DOP1A: variants seen among roughly 807,000 people sequenced by gnomAD.
DOP1A encodes protein DOP1A.
Under a neutral mutation model 267.6 loss-of-function variants are expected in DOP1A, and 90 were observed. The observed-to-expected ratio is 0.34, with a 90% CI of 0.28 to 0.40. DOP1A has a LOEUF of 0.40. Among genes scored for constraint, DOP1A ranks in the 10% least tolerant of loss-of-function variants. DOP1A has a pLI of 1.00. For missense variants in DOP1A, 2,437 were observed against 2,900.4 expected (o/e 0.84, Z 3.67); for synonymous variants, 932 against 999.1 (o/e 0.93, Z 1.27).
rs781007262 is a variant in DOP1A, at chr6:83,151,917, C to T, written c.5939C>T (p.Ala1980Val). 6 of 1,613,748 alleles carry T rather than the reference C, an allele frequency of 3.7e-6. No homozygotes were observed. Among genetic ancestry groups the T allele is most frequent in the Non-Finnish European group, 3.4e-6 (4 of 1,179,804 alleles). Reference protein sequence around the residue: ...VTHKIVDAIGAIAGSSLEQTT... With the variant: ...VTHKIVDAIGVIAGSSLEQTT... ...CACAAAATAGTGGATGCAATTGGTG[C>T]AATTGCTGGTTCTTCTCTGGAACAG... The change falls in exon 29 of 39, where the codon GCA becomes GTA. Residue 1980 changes from alanine (A) to valine (V), a missense_variant. By Grantham distance (64) the Ala-to-Val change is moderately conservative. Transcript: ENST00000349129.
chr6:83,082,605 T>C (rs1477561746), intron 1 of DOP1A, among the ~76,000 whole-genome samples: 1 of 152,198 alleles, frequency 6.6e-6, no homozygotes, highest in Non-Finnish European at 1.5e-5. Context: ...ATAGTGGCTA[T>C]GGTTAATGAT....
chr6:83,098,948 T>G (rs1365511841), intron 3 of DOP1A, among the ~76,000 whole-genome samples: 1 of 152,172 alleles, frequency 6.6e-6, no homozygotes, highest in Non-Finnish European at 1.5e-5. Context: ...GGACCCCTTC[T>G]GAAATAGGGG....
At chr6:83,147,128 T>C in intron 25 of DOP1A, 108 bp from the exon 26 acceptor site, 1 of 457,594 alleles carries the variant, frequency 2.2e-6, no homozygotes. Flanking sequence ...TTTTGTTCTT[T>C]CAATTTTTTT....
intron 15 of DOP1A, among the ~76,000 whole-genome samples, chr6:83,126,004 A>C (rs1176265107): frequency 6.6e-6 from 1 of 151,974 alleles, no homozygotes; most frequent in Non-Finnish European, 1.5e-5. Context: ...AGTTAATTTT[A>C]ATTCTAGTTT....
At chr6:83,156,870 A>AGTAT (rs3830923) in intron 34 of DOP1A, among the ~76,000 whole-genome samples, 4,350 of 152,272 alleles carry the variant, frequency 0.029, 150 homozygotes, top group East Asian at 0.084. Context: ...TGCTACTCAA[A>AGTAT]GTATGGTCCA....
chr6:83,134,224 T>C lies in DOP1A; in HGVS notation c.2807T>C (p.Leu936Pro). The C allele has an allele frequency of 1.9e-6, 3 of 1,613,088 alleles. No homozygotes were observed. The highest frequency in any genetic ancestry group is 2.5e-6 in the Non-Finnish European group (3 of 1,179,460). ...GAAGCACATGCCAAGTTTGCAGTTC[T>C]TTGGCATCTAACGAGAGATCTCCAT... is the stretch of plus-strand genomic sequence containing the variant. Reference protein sequence around the residue: ...RMEAHAKFAVLWHLTRDLHIN... With the variant: ...RMEAHAKFAVPWHLTRDLHIN... The change falls in exon 19 of 39, where the codon CTT becomes CCT. Residue 936 changes from leucine (L) to proline (P), a missense_variant. Transcript: ENST00000349129.
intron 1 of DOP1A, among the ~76,000 whole-genome samples, chr6:83,076,201 A>G (rs184282928): frequency 6.6e-6 from 1 of 152,318 alleles, no homozygotes; most frequent in African/African-American, 2.4e-5. Flanking sequence ...TTTTCCAAAG[A>G]TGATATATAA....
At chr6:83,140,445 A>G (rs777075340) in intron 23 of DOP1A, 42 bp downstream of exon 23, 1 of 1,436,990 alleles carries the variant, frequency 7.0e-7, no homozygotes, top group Admixed American at 2.2e-5. Flanking sequence ...CAAGAGTCTG[A>G]GGACCTTCCC....
At chr6:83,092,269 CTT>C (rs1210376244) in intron 1 of DOP1A, among the ~76,000 whole-genome samples, 1 of 151,888 alleles carries the variant, frequency 6.6e-6, no homozygotes, top group Non-Finnish European at 1.5e-5. Context: ...TGTTTAAACA[CTT>C]TGATCATGAG....
intron 11 of DOP1A, among the ~76,000 whole-genome samples, chr6:83,122,420 A>T (rs546866239): frequency 1.3e-5 from 2 of 152,000 alleles, no homozygotes; most frequent in South Asian, 4.1e-4. Context: ...TTTGATTGAA[A>T]CTGGTCAAGG....
At chr6:83,099,034 C>T (rs1772033802) in intron 3 of DOP1A, among the ~76,000 whole-genome samples, 1 of 151,684 alleles carries the variant, frequency 6.6e-6, no homozygotes, top group South Asian at 2.1e-4. Flanking sequence ...AAGATTCCTG[C>T]CTTAGGGAGA....
At chr6:83,150,993 ACT>A (rs1382704768) in intron 27 of DOP1A, among the ~76,000 whole-genome samples, 1 of 152,158 alleles carries the variant, frequency 6.6e-6, no homozygotes, top group Non-Finnish European at 1.5e-5. Flanking sequence ...AAATGTAACC[ACT>A]ATTCTAACAC....
At chr6:83,084,500 G>T (rs535524117) in intron 1 of DOP1A, among the ~76,000 whole-genome samples, 1 of 152,266 alleles carries the variant, frequency 6.6e-6, no homozygotes, top group South Asian at 2.1e-4. Flanking sequence ...TTTTTCTCCA[G>T]CTTGAGATTT....
At chr6:83,161,968 G>C (rs1177877645) in intron 37 of DOP1A, among the ~76,000 whole-genome samples, 2 of 152,040 alleles carry the variant, frequency 1.3e-5, no homozygotes, top group Non-Finnish European at 2.9e-5. Context: ...CTGTTAAAAA[G>C]AATGAAGTTT....
In DOP1A at chr6:83,138,022, A is replaced by G. The variant is rs763101311; in HGVS notation, c.3980A>G (p.Asp1327Gly). 7 of 1,609,992 alleles carry G rather than the reference A, an allele frequency of 4.3e-6. No homozygotes were observed. Among genetic ancestry groups the G allele is most frequent in the Non-Finnish European group, 5.1e-6 (6 of 1,178,544 alleles). The change falls in exon 21 of 39, where the codon GAT becomes GGT. Residue 1327 changes from aspartate to glycine, a missense_variant. Physicochemically the swap from Asp to Gly is moderately conservative, Grantham distance 94. Coordinates refer to ENST00000349129, the MANE Select transcript of DOP1A (RefSeq NM_015018.4). ...KLKQTSVFFS[D>G]GLDLENWYSC... The stretch of plus-strand genomic sequence containing the variant: ...AAACAAACCAGTGTATTCTTCAGTG[A>G]TGGTCTGGATTTAGAGAACTGGTAT...
In DOP1A at chr6:83,137,998, A is replaced by G. The variant is rs141345922; in HGVS notation, c.3956A>G (p.Lys1319Arg). 15 of 1,606,788 alleles carry G rather than the reference A, an allele frequency of 9.3e-6. No homozygotes were observed. In the Admixed American group the frequency reaches 1.5e-4, roughly 17 times the overall value. The stretch of plus-strand genomic sequence containing the variant: ...AAAAAATCTTCAAATGAAAAACTCA[A>G]ACAAACCAGTGTATTCTTCAGTGAT... ...DKKKSSNEKL[K>R]QTSVFFSDGL... Residue 1319 changes from lysine to arginine, a missense_variant, in exon 21 of 39, where the codon AAA becomes AGA. Lys to Arg is a conservative substitution (Grantham distance 26). Around this residue, in one of 9 missense-constraint regions of DOP1A, gnomAD observed 878 missense variants for 992.9 expected, o/e 0.88. Transcript: ENST00000349129.
intron 36 of DOP1A, among the ~76,000 whole-genome samples, chr6:83,158,992 G>A (rs1315099411): frequency 6.6e-6 from 1 of 152,170 alleles, no homozygotes. Flanking sequence ...AGATCTTCCA[G>A]ATGGTCCCAA....
rs1156431280 is a variant in DOP1A at position 83,140,260 on chromosome 6, C to T, written c.5272C>T (p.Arg1758Cys). The T allele has an allele frequency of 5.0e-6, 8 of 1,613,152 alleles. No homozygotes were observed. The highest frequency in any genetic ancestry group is 2.2e-5 in the East Asian group (1 of 44,882). Residue 1758 changes from arginine (R) to cysteine (C), a missense_variant, in exon 23 of 39, where the codon CGC (arginine) becomes TGC (cysteine). Around this residue, in one of 9 missense-constraint regions of DOP1A, gnomAD observed 307 missense variants for 308.6 expected, o/e 0.99. Transcript: ENST00000349129. The stretch of plus-strand genomic sequence containing the variant: ...AGACCAGAAACACTTGTTTGAAGCA[C>T]GCAGTGGAATCCTCTCAATCCTTCA... ...SVDQKHLFEA[R>C]SGILSILHMI...
chr6:83,134,323 A>G (rs1239780802), intron 19 of DOP1A, 36 bp downstream of exon 19: 3 of 1,572,014 alleles, frequency 1.9e-6, no homozygotes, highest in African/African-American at 2.7e-5. Context: ...TCACAGTCAT[A>G]TATCTTAATG....
Sources: gnomAD v4.1 joint callset for allele counts (sites outside exome capture counted in the v4.1 genomes callset) on GRCh38, gnomAD v4.1.1 for gene constraint, gnomAD v4.1.1 regional missense constraint, MANE v1.5 for transcripts, NCBI Gene and HGNC (gene_info 2026-07-23, HGNC 2026-07-21) for gene names.